The following PCDHGA1 variants were observed in gnomAD, a reference collection of about 807,000 sequenced individuals.
The protein encoded by PCDHGA1 is protocadherin gamma-A1.
A neutral mutation model predicts 58.0 loss-of-function variants in PCDHGA1; 32 were observed. The ratio of observed to expected loss-of-function variants is 0.55; its 90% CI spans 0.42 to 0.74. The LOEUF is 0.74. Ranked by LOEUF, PCDHGA1 falls within the 30% of genes least tolerant of loss-of-function variation. The pLI is 0.00. For synonymous variants in PCDHGA1, 498 were observed against 501.1 expected, an observed-to-expected ratio of 0.99 and a Z score of 0.08; for missense variants, 1,205 against 1,182.3, an observed-to-expected ratio of 1.02 and a Z score of -0.28.
Position 141,385,102 on chromosome 5 carries a change from G to A in PCDHGA1, c.2421+51997G>A, listed in dbSNP as rs370391349. On this transcript the variant is annotated intron_variant, in intron 1 of 3. Transcript: ENST00000517417. ...GGCTTCAGAAGGTGGCTTGGCGAAC[G>A]TGCCCACCTCGCACTTTGTGGGCAT... 6 of 1,614,174 alleles carry A rather than the reference G, an allele frequency of 3.7e-6. No homozygotes were observed. The East Asian group carries it at 6.7e-5, about 18-fold the overall frequency.
intron 1 of PCDHGA1, among the ~76,000 whole-genome samples, chr5:141,335,874 A>G (rs1756585896): frequency 6.6e-6 from 1 of 152,220 alleles, no homozygotes; most frequent in Non-Finnish European, 1.5e-5. Flanking sequence ...TTCAAAAATC[A>G]CAATGACAAT....
chr5:141,333,380 A>G (rs1756462344), intron 1 of PCDHGA1: 2 of 564,594 alleles, frequency 3.5e-6, no homozygotes, highest in Non-Finnish European at 6.1e-6. Context: ...AGAGCACTGC[A>G]TTAGAAACGG....
chr5:141,385,870 A>G (rs2150302172), intron 1 of PCDHGA1: 1 of 153,178 alleles, frequency 6.5e-6, no homozygotes, highest in African/African-American at 2.4e-5. Flanking sequence ...AGAAGGTTGG[A>G]TTTATGCCTA....
At chr5:141,335,109 C>CATTTTT (rs1230100652) in intron 1 of PCDHGA1, among the ~76,000 whole-genome samples, 2 of 152,126 alleles carry the variant, frequency 1.3e-5, no homozygotes, top group Non-Finnish European at 2.9e-5. Flanking sequence ...GTGTCTGTTG[C>CATTTTT]ATTTTTATTT....
chr5:141,384,471 G>T lies in PCDHGA1; in HGVS notation c.2421+51366G>T, dbSNP rs200621761. On this transcript the variant is annotated intron_variant, in intron 1 of 3. Coordinates refer to ENST00000517417, the MANE Select transcript of PCDHGA1 (RefSeq NM_018912.3). ...CGCTGCAATCCTTTGATTATGAGCA[G>T]TTGAGAGAACTACAACTAAGAGTGA... The T allele has an allele frequency of 1.4e-4, 226 of 1,614,000 alleles. No homozygotes were observed. The highest frequency in any genetic ancestry group is 4.2e-4 in the Admixed American group (25 of 60,010).
intron 1 of PCDHGA1, chr5:141,346,150 C>A: frequency 6.2e-7 from 1 of 1,613,998 alleles, no homozygotes; most frequent in Non-Finnish European, 8.5e-7. Flanking sequence ...GTCTTCCTGG[C>A]CTTCGTCATC....
chr5:141,400,674 T>A, intron 1 of PCDHGA1: 1 of 917,906 alleles, frequency 1.1e-6, no homozygotes, highest in Non-Finnish European at 1.7e-6. Flanking sequence ...AGAGGAGCAG[T>A]AAATTGTGAG....
At chr5:141,394,751 C>A in intron 1 of PCDHGA1, 3 of 1,613,428 alleles carry the variant, frequency 1.9e-6, no homozygotes, top group Non-Finnish European at 2.5e-6. Context: ...TGGTGGCCGT[C>A]CAGGACCATG....
intron 1 of PCDHGA1, among the ~76,000 whole-genome samples, chr5:141,450,008 T>A (rs78952430): frequency 4.8e-4 from 18 of 37,340 alleles, no homozygotes; most frequent in African/African-American, 6.8e-4. Context: ...CCATGTCTCT[T>A]TTTTTTTTTT....
At chr5:141,358,195 A>T (rs559791322) in intron 1 of PCDHGA1, among the ~76,000 whole-genome samples, 1 of 152,316 alleles carries the variant, frequency 6.6e-6, no homozygotes, top group East Asian at 1.9e-4. Context: ...GTCTCCAAAA[A>T]GTAAAATAAA....
At chr5:141,376,417 G>T (rs750081761) in intron 1 of PCDHGA1, 2 of 1,614,148 alleles carry the variant, frequency 1.2e-6, no homozygotes, top group South Asian at 1.1e-5. Flanking sequence ...ATGCCGACAC[G>T]CTTATCAACC....
chr5:141,357,156 C>T (rs1352604728), intron 1 of PCDHGA1: 5 of 1,613,668 alleles, frequency 3.1e-6, no homozygotes, highest in East Asian at 2.2e-5. Flanking sequence ...ATGGCCAGCC[C>T]CCTCTCTCGG....
intron 1 of PCDHGA1, among the ~76,000 whole-genome samples, chr5:141,466,800 C>T (rs189985735): frequency 6.6e-6 from 1 of 152,240 alleles, no homozygotes; most frequent in East Asian, 1.9e-4. Context: ...AAACTAGATC[C>T]TATTCAGACA....
intron 1 of PCDHGA1, chr5:141,364,610 G>A (rs772530649): frequency 1.2e-6 from 2 of 1,614,152 alleles, no homozygotes; most frequent in South Asian, 1.1e-5. Context: ...AGACCGGGAG[G>A]AGCTCTGCGC....
rs755321974 is a variant in PCDHGA1 at position 141,365,861 on chromosome 5, A to G, written c.2421+32756A>G. ...CTCCTATGTATCCATTAACTCTGAC[A>G]CCGGTGTCCTGTATGCTCTGAGATC... On this transcript the variant is annotated intron_variant, in intron 1 of 3. Coordinates refer to ENST00000517417, the MANE Select transcript of PCDHGA1 (RefSeq NM_018912.3). The G allele has an allele frequency of 2.5e-5, 40 of 1,613,912 alleles. No individual in the cohort carries two copies. The highest frequency in any genetic ancestry group is 1.6e-4 in the Middle Eastern group (1 of 6,084).
chr5:141,482,753 G>A (rs2154579665), intron 1 of PCDHGA1, among the ~76,000 whole-genome samples: 1 of 127,136 alleles, frequency 7.9e-6, no homozygotes. Context: ...GAGGGATTAT[G>A]GTATTTCATT....
rs761938460 is a variant in PCDHGA1 at position 141,393,330 on chromosome 5, AG to A, written c.2421+60226del. On this transcript the variant is annotated intron_variant, in intron 1 of 3. Coordinates refer to ENST00000517417, the MANE Select transcript of PCDHGA1 (RefSeq NM_018912.3). The stretch of plus-strand genomic sequence containing the variant: ...GAACTCCCTCCAGAGCTACCAGCTC[AG>A]CCCCAATCACCACTTCTCCCTGGAC... The A allele has an allele frequency of 3.7e-6, 6 of 1,611,072 alleles. No individual in the cohort carries two copies. In the African/African-American group the frequency reaches 6.8e-5, roughly 18 times the overall value.
At chr5:141,352,876 T>C (rs1759133957) in intron 1 of PCDHGA1, among the ~76,000 whole-genome samples, 1 of 152,126 alleles carries the variant, frequency 6.6e-6, no homozygotes, top group African/African-American at 2.4e-5. Context: ...TAGTCCCAGT[T>C]ACTCAGGAAG....
rs1756914771 is a variant in PCDHGA1, at chr5:141,340,187, A to C, written c.2421+7082A>C. On this transcript the variant is annotated intron_variant, in intron 1 of 3. Transcript: ENST00000517417. ...AGTAGACAATTACTACCGACTGGTT[A>C]CAACCAGAGCCCTTGACAGGGAACA... The C allele has an allele frequency of 6.2e-7, 1 of 1,614,078 alleles. No individual in the cohort carries two copies. The highest frequency in any genetic ancestry group is 1.3e-5 in the African/African-American group (1 of 74,938).
Sources: gnomAD v4.1 joint callset for allele counts (sites outside exome capture counted in the v4.1 genomes callset) on GRCh38, gnomAD v4.1.1 for gene constraint, MANE v1.5 for transcripts, NCBI Gene and HGNC (gene_info 2026-07-23, HGNC 2026-07-21) for gene names.